The following ITGA2 variants were observed in gnomAD, a reference collection of about 807,000 sequenced individuals.
ITGA2 encodes the protein integrin alpha-2.
ITGA2 carries 101 observed loss-of-function variants against 146.3 expected under a neutral mutation model. The ratio of observed to expected loss-of-function variants is 0.69; its 90% CI spans 0.59 to 0.81. The LOEUF (loss-of-function observed/expected upper bound fraction) is 0.81, where lower values mean the gene tolerates loss of function less well. Ranked by LOEUF, ITGA2 falls within the 40% of genes least tolerant of loss-of-function variation. The pLI is 0.00. For synonymous variants in ITGA2, 477 were observed against 487.1 expected (o/e 0.98, Z 0.27); for missense variants, 1,281 against 1,402.7 (o/e 0.91, Z 1.39).
At chr5:53,047,934 C>A (rs922941485) in intron 4 of ITGA2, among the ~76,000 whole-genome samples, 2 of 152,198 alleles carry the variant, frequency 1.3e-5, no homozygotes, top group Non-Finnish European at 2.9e-5. Context: ...CCCATTTAAT[C>A]TTTACAACAA....
chr5:53,087,137 T>C lies in ITGA2; in HGVS notation c.3348+96T>C, dbSNP rs1746197335. On this transcript the variant is annotated intron_variant, in intron 28 of 29. Transcript: ENST00000296585. ...TAGTCACTCTTCTTACCTACATGTA[T>C]GTAGAAGTATCTTACTAAAACTTTA... 7 of 824,174 alleles carry C rather than the reference T, an allele frequency of 8.5e-6. No individual in the cohort carries two copies. The South Asian group carries it at 9.8e-5, about 12-fold the overall frequency. The allele number at this position is 824,174 out of a possible 1,614,324, so 51.1% of individuals were successfully genotyped here.
intron 2 of ITGA2, among the ~76,000 whole-genome samples, chr5:53,031,815 A>G (rs1743240728): frequency 6.6e-6 from 1 of 152,174 alleles, no homozygotes; most frequent in South Asian, 2.1e-4. Flanking sequence ...GCGGAGGGCC[A>G]TCCCGCTTCA....
chr5:53,040,742 A>T (rs1743753087), intron 2 of ITGA2, among the ~76,000 whole-genome samples: 1 of 152,146 alleles, frequency 6.6e-6, no homozygotes. Flanking sequence ...ACGAGGAGAG[A>T]ACTTATTAAT....
chr5:53,042,100 ATG>A lies in ITGA2; in HGVS notation c.186-8_186-7del. ...TAACACTTTGTGTCTAATAAAAAAAATGTGTTTCTAGGTTACTGGTTGGTTCA... is the reference window on the plus strand; with the variant it reads ...TAACACTTTGTGTCTAATAAAAAAAATGTTTCTAGGTTACTGGTTGGTTCA... On this transcript the variant is annotated splice_polypyrimidine_tract_variant and intron_variant, in intron 2 of 29. Coordinates refer to ENST00000296585, the MANE Select transcript of ITGA2 (RefSeq NM_002203.4). 1 of 1,523,468 alleles carries A rather than the reference ATG, an allele frequency of 6.6e-7. No individual in the cohort carries two copies. Among genetic ancestry groups the A allele is most frequent in the Non-Finnish European group, 9.1e-7 (1 of 1,097,320 alleles). The allele number at this position is 1,523,468 out of a possible 1,614,324, so 94.4% of individuals were successfully genotyped here. A position where few individuals can be genotyped will look rare whatever the true frequency, so the allele number is the denominator to read the frequency against.
intron 2 of ITGA2, among the ~76,000 whole-genome samples, chr5:53,039,739 CAAAAAA>C (rs1175067104): frequency 9.0e-5 from 3 of 33,282 alleles, no homozygotes; most frequent in South Asian, 1.5e-3. Context: ...GACTCCATCT[CAAAAAA>C]AAAAAAAAAA....
intron 1 of ITGA2, among the ~76,000 whole-genome samples, chr5:53,012,797 T>C (rs1362582913): frequency 6.6e-6 from 1 of 152,202 alleles, no homozygotes; most frequent in Non-Finnish European, 1.5e-5. Context: ...CCTTGCTGAC[T>C]GGTATGAGAT....
intron 6 of ITGA2, among the ~76,000 whole-genome samples, chr5:53,050,498 A>T (rs1470114493): frequency 6.6e-6 from 1 of 152,150 alleles, no homozygotes; most frequent in Non-Finnish European, 1.5e-5. Flanking sequence ...CTATCTTCCC[A>T]GTGCCTAGCT....
chr5:52,989,402 G>C lies in ITGA2; in HGVS notation c.-67G>C, dbSNP rs1340369489. ...GAGTGTGCAGGTTCTCGTATCCCTCGGCCAAGGGTATCCTCTGCAAACCTC... is the reference window on the plus strand; with the variant it reads ...GAGTGTGCAGGTTCTCGTATCCCTCCGCCAAGGGTATCCTCTGCAAACCTC... On this transcript the variant is annotated 5_prime_UTR_variant, in exon 1 of 30. Transcript: ENST00000296585. 11 of 1,534,936 alleles carry C rather than the reference G, an allele frequency of 7.2e-6. No homozygotes were observed. Among genetic ancestry groups the C allele is most frequent in the Non-Finnish European group, 9.9e-6 (11 of 1,108,104 alleles).
intron 18 of ITGA2, among the ~76,000 whole-genome samples, chr5:53,072,272 G>A (rs1745433262): frequency 1.3e-5 from 2 of 151,764 alleles, no homozygotes; most frequent in Admixed American, 1.3e-4. Context: ...AGCAGGGCCT[G>A]GCCCATTGTA....
rs1375704252 is a variant in ITGA2, at chr5:53,083,403, G to A, written c.3208G>A (p.Glu1070Lys). The change falls in exon 27 of 30, where the codon GAA becomes AAA. Residue 1070 changes from glutamate to lysine, a missense_variant. By Grantham distance (56) the Glu-to-Lys change is moderately conservative. Around this residue, in one of 3 missense-constraint regions of ITGA2, gnomAD observed 475 missense variants for 530.5 expected, o/e 0.90. Coordinates refer to ENST00000296585, the MANE Select transcript of ITGA2 (RefSeq NM_002203.4). ...CWLKDVHMKG[E>K]YFVNVTTRIW... ...GTTGAAAGACGTTCACATGAAAGGAGAATACTTTGTTAATGTGACTACCAG... is the reference window on the plus strand; with the variant it reads ...GTTGAAAGACGTTCACATGAAAGGAAAATACTTTGTTAATGTGACTACCAG... 2 of 1,613,480 alleles carry A rather than the reference G, an allele frequency of 1.2e-6. No homozygotes were observed. Among genetic ancestry groups the A allele is most frequent in the East Asian group, 2.2e-5 (1 of 44,890 alleles).
chr5:53,057,881 C>T (rs1744713569), intron 9 of ITGA2, 144 bp from the exon 10 acceptor site: 2 of 663,086 alleles, frequency 3.0e-6, no homozygotes, highest in African/African-American at 1.8e-5. Flanking sequence ...AATATGCAAG[C>T]TCTGTATTTT....
chr5:53,002,959 A>G (rs1741658486), intron 1 of ITGA2, among the ~76,000 whole-genome samples: 1 of 152,136 alleles, frequency 6.6e-6, no homozygotes, highest in African/African-American at 2.4e-5. Flanking sequence ...ATATTTTTAG[A>G]TTAGGGTATT....
intron 28 of ITGA2, chr5:53,089,042 A>G (rs1319168714): frequency 1.3e-5 from 2 of 152,212 alleles, no homozygotes; most frequent in Non-Finnish European, 2.9e-5. Context: ...CACTTTATTC[A>G]TAAATTGATA....
rs1246761863 is a variant in ITGA2, at chr5:53,092,190, A to G, written c.*1591A>G. 6.6e-6 allele frequency: 1 copy of G among 152,236 alleles called. No individual in the cohort carries two copies. Among genetic ancestry groups the G allele is most frequent in the African/African-American group, 2.4e-5 (1 of 41,460 alleles). The allele number at this position is 152,236 out of a possible 1,614,324, so 9.4% of individuals were successfully genotyped here. ...CTTAGAGGAAAAGGGCACAGACACT[A>G]CATATCTAAAGCTTTGGACAAGTCC... On this transcript the variant is annotated 3_prime_UTR_variant, in exon 30 of 30. Coordinates refer to ENST00000296585, the MANE Select transcript of ITGA2 (RefSeq NM_002203.4).
intron 2 of ITGA2, among the ~76,000 whole-genome samples, chr5:53,030,024 A>G (rs1361701642): frequency 2.6e-5 from 4 of 152,216 alleles, no homozygotes; most frequent in Non-Finnish European, 5.9e-5. Context: ...ACCATCAGTA[A>G]TAGACATTAT....
chr5:53,017,323 A>C (rs972494849), intron 1 of ITGA2, among the ~76,000 whole-genome samples: 1 of 152,122 alleles, frequency 6.6e-6, no homozygotes, highest in African/African-American at 2.4e-5. Context: ...GTGAACTGGC[A>C]TTGTCTCTGT....
rs770635720 is a variant in ITGA2, at chr5:53,026,873, G to T, written c.185+5G>T. Reference sequence around the variant, plus strand: ...TATAAATCCAAAAGGCAACTGGTAAGAATATTCTCTTCTTTATGATTTCAG... The same window carrying T: ...TATAAATCCAAAAGGCAACTGGTAATAATATTCTCTTCTTTATGATTTCAG... On this transcript the variant is annotated splice_donor_5th_base_variant and intron_variant, in intron 2 of 29. Coordinates refer to ENST00000296585, the MANE Select transcript of ITGA2 (RefSeq NM_002203.4). 1 of 1,610,114 alleles carries T rather than the reference G, an allele frequency of 6.2e-7. No homozygotes were observed.
chr5:52,991,192 C>G (rs141968638), intron 1 of ITGA2, among the ~76,000 whole-genome samples: 1 of 152,250 alleles, frequency 6.6e-6, no homozygotes, highest in East Asian at 1.9e-4. Flanking sequence ...TCCTCCTACT[C>G]CAGCCATTTG....
intron 1 of ITGA2, among the ~76,000 whole-genome samples, chr5:53,023,815 AT>A (rs1189351106): frequency 2.6e-5 from 4 of 152,336 alleles, no homozygotes; most frequent in Admixed American, 2.0e-4. Context: ...ACTTCCATTA[AT>A]TTTTTATGAG....
Sources: allele counts gnomAD v4.1 joint callset (sites outside exome capture counted in the v4.1 genomes callset), GRCh38; gene constraint gnomAD v4.1.1; regional missense constraint gnomAD v4.1.1; transcripts MANE v1.5; gene names NCBI Gene and HGNC (gene_info 2026-07-23, HGNC 2026-07-21).